Variants in RSU1 observed in about 807,000 individuals in gnomAD.
RSU1 encodes the protein Ras suppressor protein 1.
RSU1 carries 26 observed loss-of-function variants against 31.1 expected under a neutral mutation model. The ratio of observed to expected loss-of-function variants is 0.84; its 90% CI spans 0.61 to 1.16. The LOEUF is 1.16. Ranked by LOEUF, RSU1 falls within the 50% of genes most tolerant of loss-of-function variation. The pLI, the probability that RSU1 is intolerant of heterozygous loss-of-function variation, is 0.00. For synonymous variants in RSU1, 164 were observed against 136.3 expected, an observed-to-expected ratio of 1.20 and a Z score of -1.41; for missense variants, 320 against 339.1, an observed-to-expected ratio of 0.94 and a Z score of 0.44.
chr10:16,705,792 C>A (rs1044116201), intron 7 of RSU1, among the ~76,000 whole-genome samples: 2 of 152,128 alleles, frequency 1.3e-5, no homozygotes, highest in Non-Finnish European at 2.9e-5. Flanking sequence ...ATCCAGCCCC[C>A]ACACATTGTA....
At chr10:16,816,080 C>T (rs750528059) in intron 2 of RSU1, among the ~76,000 whole-genome samples, 1 of 152,198 alleles carries the variant, frequency 6.6e-6, no homozygotes, top group Non-Finnish European at 1.5e-5. Flanking sequence ...ACCAAAGCCA[C>T]GTCAGCCTGA....
At chr10:16,667,186 GA>G (rs1352859645) in intron 8 of RSU1, among the ~76,000 whole-genome samples, 1 of 152,170 alleles carries the variant, frequency 6.6e-6, no homozygotes, top group Non-Finnish European at 1.5e-5. Flanking sequence ...TAGTTAATCT[GA>G]AATCATCTCT....
intron 2 of RSU1, among the ~76,000 whole-genome samples, chr10:16,800,379 G>A (rs1046154267): frequency 6.6e-6 from 1 of 152,132 alleles, no homozygotes; most frequent in Admixed American, 6.5e-5. Flanking sequence ...TGTCAGCAGA[G>A]ACAAAATCCC....
chr10:16,756,037 T>C (rs563594395), intron 4 of RSU1, among the ~76,000 whole-genome samples: 1 of 152,330 alleles, frequency 6.6e-6, no homozygotes, highest in Admixed American at 6.5e-5. Flanking sequence ...TATCTCAAAA[T>C]ATACACATGA....
chr10:16,784,541 A>T (rs80034827), intron 2 of RSU1, among the ~76,000 whole-genome samples: 2 of 151,988 alleles, frequency 1.3e-5, no homozygotes, highest in Non-Finnish European at 2.9e-5. Flanking sequence ...ATGGGGTATT[A>T]GCCTGTTCTC....
At chr10:16,620,556 T>TAAA (rs148278416) in intron 8 of RSU1, among the ~76,000 whole-genome samples, 1,804 of 133,878 alleles carry the variant, frequency 0.013, 39 homozygotes, top group African/African-American at 0.044. Context: ...TACAAAATGT[T>TAAA]AAAAAAAAAA....
At chr10:16,757,241 AT>A (rs1011877760) in intron 4 of RSU1, among the ~76,000 whole-genome samples, 23 of 152,036 alleles carry the variant, frequency 1.5e-4, no homozygotes, top group African/African-American at 5.1e-4. Flanking sequence ...TTAAAAGCCA[AT>A]TTTTAAAAAA....
chr10:16,666,637 C>T (rs936441639), intron 8 of RSU1, among the ~76,000 whole-genome samples: 1 of 152,030 alleles, frequency 6.6e-6, no homozygotes, highest in Non-Finnish European at 1.5e-5. Context: ...ATAGACCTAA[C>T]TGCCCCTGGG....
At chr10:16,604,200 G>C (rs1833760504) in intron 8 of RSU1, among the ~76,000 whole-genome samples, 1 of 152,090 alleles carries the variant, frequency 6.6e-6, no homozygotes. Flanking sequence ...GTTTTCCCCT[G>C]GGTGTTAAGT....
At chr10:16,668,188 G>A (rs1835036351) in intron 8 of RSU1, among the ~76,000 whole-genome samples, 1 of 152,134 alleles carries the variant, frequency 6.6e-6, no homozygotes, top group Non-Finnish European at 1.5e-5. Flanking sequence ...ACCTCATAGA[G>A]TTATCATGAT....
chr10:16,750,404 C>T (rs1311733374), intron 7 of RSU1, among the ~76,000 whole-genome samples: 1 of 152,068 alleles, frequency 6.6e-6, no homozygotes, highest in Non-Finnish European at 1.5e-5. Flanking sequence ...CAATTCTACA[C>T]CTGAATAAAA....
In RSU1 at chr10:16,673,378, A is replaced by G. The variant is rs768192903; in HGVS notation, c.731+21645T>C. ...ATTTTTCTTTTTACTGGTGCCATAC[A>G]TAATTAAAATGAAACCATGTTATTT... On this transcript the variant is annotated intron_variant, in intron 8 of 8. Coordinates refer to ENST00000345264, the MANE Select transcript of RSU1 (RefSeq NM_012425.4). Among the ~76,000 whole-genome samples the G allele has an allele frequency of 1.2e-4, 18 of 152,260 alleles. 1 individual carries two copies. Among genetic ancestry groups the G allele is most frequent in the Admixed American group, 2.6e-4 (4 of 15,294 alleles).
chr10:16,781,530 C>G (rs973934255), intron 3 of RSU1, among the ~76,000 whole-genome samples: 3 of 152,220 alleles, frequency 2.0e-5, no homozygotes, highest in Admixed American at 6.5e-5. Context: ...AGAACTTGTT[C>G]TAACAATTTC....
intron 8 of RSU1, among the ~76,000 whole-genome samples, chr10:16,693,533 T>G (rs74228738): frequency 0.016 from 2,457 of 152,206 alleles, 27 homozygotes; most frequent in East Asian, 0.056. Context: ...AGCAATCTTC[T>G]AGCTTTCTTC....
At chr10:16,667,495 T>TC (rs1835018865) in intron 8 of RSU1, among the ~76,000 whole-genome samples, 1 of 151,968 alleles carries the variant, frequency 6.6e-6, no homozygotes, top group African/African-American at 2.4e-5. Context: ...TTTATTAATT[T>TC]TTTTTTTTTT....
intron 2 of RSU1, among the ~76,000 whole-genome samples, chr10:16,812,027 T>C (rs1838419689): frequency 6.6e-6 from 1 of 152,042 alleles, no homozygotes; most frequent in African/African-American, 2.4e-5. Context: ...AAGCACTAAC[T>C]GACAAGGGGG....
At chr10:16,596,468 A>G (rs183224097) in intron 8 of RSU1, among the ~76,000 whole-genome samples, 18 of 152,236 alleles carry the variant, frequency 1.2e-4, no homozygotes, top group East Asian at 1.9e-4. Flanking sequence ...CACTGACTCA[A>G]TGCTCAAGGG....
intron 8 of RSU1, among the ~76,000 whole-genome samples, chr10:16,629,153 A>C (rs1385074771): frequency 2.6e-5 from 4 of 152,048 alleles, no homozygotes; most frequent in African/African-American, 9.7e-5. Flanking sequence ...TGTGCATAGG[A>C]ATTGCCTGGG....
chr10:16,787,355 C>A (rs867133635), intron 2 of RSU1, among the ~76,000 whole-genome samples: 3 of 152,128 alleles, frequency 2.0e-5, no homozygotes, highest in South Asian at 2.1e-4. Context: ...TGCCCTGATA[C>A]TAAACTCCAT....
Sources: allele counts gnomAD v4.1 joint callset (sites outside exome capture counted in the v4.1 genomes callset), GRCh38; gene constraint gnomAD v4.1.1; transcripts MANE v1.5; gene names NCBI Gene and HGNC (gene_info 2026-07-23, HGNC 2026-07-21).